Variants in SPATA6L observed in about 807,000 individuals in gnomAD.
The protein encoded by SPATA6L is spermatogenesis associated 6 like, also known as spermatogenesis associated 6-like protein.
In SPATA6L, 68 loss-of-function variants were observed where a neutral mutation model predicts 49.2. The observed-to-expected ratio is 1.38, with a 90% CI of 1.14 to 1.69. SPATA6L has a LOEUF of 1.69. Among genes scored for constraint, SPATA6L ranks in the 40% most tolerant of loss-of-function variants. The probability of loss-of-function intolerance (pLI) is 0.00; values close to 1 mark genes in which losing one functional copy is unlikely to be tolerated. For synonymous variants in SPATA6L, 198 were observed against 165.7 expected (o/e 1.19, Z -1.50); for missense variants, 668 against 464.3 (o/e 1.44, Z -4.03).
At chr9:4,612,847 G>T (rs1298968124) in intron 9 of SPATA6L, among the ~76,000 whole-genome samples, 1 of 152,116 alleles carries the variant, frequency 6.6e-6, no homozygotes, top group Non-Finnish European at 1.5e-5. Context: ...AAATCCTAAA[G>T]TCTGAGGTAT....
intron 5 of SPATA6L, chr9:4,626,640 T>C (rs1237560518): frequency 9.1e-7 from 1 of 1,103,412 alleles, no homozygotes; most frequent in Non-Finnish European, 1.2e-6. Flanking sequence ...AACCCCTGTT[T>C]AGCCATTTTT....
At chr9:4,620,268 T>TCCTGTGGCCTCATAAC (rs146245665) in intron 7 of SPATA6L, among the ~76,000 whole-genome samples, 2 of 151,890 alleles carry the variant, frequency 1.3e-5, no homozygotes, top group African/African-American at 4.8e-5. Context: ...ACCTCCTTCC[T>TCCTGTGGCCTCATAAC]CCTGTGGCCT....
intron 3 of SPATA6L, among the ~76,000 whole-genome samples, chr9:4,647,217 C>T (rs544389720): frequency 2.6e-5 from 4 of 152,218 alleles, no homozygotes; most frequent in Non-Finnish European, 4.4e-5. Flanking sequence ...TATTCAAAAT[C>T]CACTTGTTAT....
At chr9:4,651,700 T>A (rs962216084) in intron 3 of SPATA6L, among the ~76,000 whole-genome samples, 1 of 147,708 alleles carries the variant, frequency 6.8e-6, no homozygotes, top group African/African-American at 2.5e-5. Flanking sequence ...GATAAAAAAA[T>A]CACATGATCA....
At chr9:4,646,688 G>C (rs1416984943) in intron 3 of SPATA6L, among the ~76,000 whole-genome samples, 5 of 152,022 alleles carry the variant, frequency 3.3e-5, no homozygotes, top group South Asian at 2.1e-4. Context: ...GGTATTTCTA[G>C]AATTAACCAA....
intron 3 of SPATA6L, among the ~76,000 whole-genome samples, chr9:4,645,753 T>A (rs1283546216): frequency 6.6e-6 from 1 of 152,092 alleles, no homozygotes; most frequent in African/African-American, 2.4e-5. Flanking sequence ...AAAGGCCACA[T>A]ATTGTAGGCT....
intron 3 of SPATA6L, among the ~76,000 whole-genome samples, chr9:4,636,900 T>G (rs4740796): frequency 2.0e-5 from 3 of 152,084 alleles, no homozygotes; most frequent in Non-Finnish European, 2.9e-5. Flanking sequence ...ACTTCCACCA[T>G]GCATGCTCTC....
chr9:4,655,156 T>C (rs954241606), intron 3 of SPATA6L, among the ~76,000 whole-genome samples: 6 of 152,212 alleles, frequency 3.9e-5, no homozygotes, highest in Admixed American at 1.3e-4. Context: ...TGTCCATCAA[T>C]TGATGACTAG....
At chr9:4,658,970 G>T (rs1023094645) in intron 2 of SPATA6L, among the ~76,000 whole-genome samples, 1 of 144,912 alleles carries the variant, frequency 6.9e-6, no homozygotes, top group Non-Finnish European at 1.5e-5. Flanking sequence ...AAAAAAAAAG[G>T]CTTCTACAGA....
At chr9:4,616,073 A>G (rs747078027) in intron 9 of SPATA6L, among the ~76,000 whole-genome samples, 1 of 152,116 alleles carries the variant, frequency 6.6e-6, no homozygotes, top group Non-Finnish European at 1.5e-5. Context: ...GGAGTTTGAG[A>G]AGAGCCTGGG....
At chr9:4,658,967 A>G (rs1409026395) in intron 2 of SPATA6L, among the ~76,000 whole-genome samples, 2 of 150,914 alleles carry the variant, frequency 1.3e-5, no homozygotes, top group South Asian at 2.1e-4. Context: ...AAAAAAAAAA[A>G]AGGCTTCTAC....
At chr9:4,656,457 G>GAAGA (rs1838229003) in intron 2 of SPATA6L, among the ~76,000 whole-genome samples, 1 of 135,906 alleles carries the variant, frequency 7.4e-6, no homozygotes. Flanking sequence ...AGGAAGGAAG[G>GAAGA]AAGGAAGGAA....
intron 4 of SPATA6L, among the ~76,000 whole-genome samples, chr9:4,629,765 G>GTATATATATA (rs1451733833): frequency 1.5e-4 from 14 of 91,416 alleles, no homozygotes; most frequent in East Asian, 1.2e-3. Flanking sequence ...ATGTGTGTGT[G>GTATATATATA]TGTGTATATA....
intron 13 of SPATA6L, among the ~76,000 whole-genome samples, chr9:4,591,591 A>G (rs1454638732): frequency 6.6e-6 from 1 of 152,208 alleles, no homozygotes; most frequent in Non-Finnish European, 1.5e-5. Context: ...TTTACCTCTC[A>G]GGTACTTTGG....
chr9:4,650,261 T>C (rs1422129519), intron 3 of SPATA6L, among the ~76,000 whole-genome samples: 1 of 152,192 alleles, frequency 6.6e-6, no homozygotes, highest in Non-Finnish European at 1.5e-5. Flanking sequence ...GGTACTTGTG[T>C]CTGGTCCTTT....
At chr9:4,594,128 C>T (rs1308576658), downstream of SPATA6L, among the ~76,000 whole-genome samples, 1 of 152,240 alleles carries the variant, frequency 6.6e-6, no homozygotes, top group African/African-American at 2.4e-5. Flanking sequence ...TTTCCACCAT[C>T]TTTTTAAACT....
intron 7 of SPATA6L, among the ~76,000 whole-genome samples, chr9:4,619,315 C>A (rs748891067): frequency 6.6e-6 from 1 of 151,858 alleles, no homozygotes; most frequent in Non-Finnish European, 1.5e-5. Flanking sequence ...CGCCACCATG[C>A]CCGGCCAATT....
chr9:4,619,285 T>G (rs570871733), intron 7 of SPATA6L, among the ~76,000 whole-genome samples: 1 of 151,288 alleles, frequency 6.6e-6, no homozygotes, highest in East Asian at 2.0e-4. Context: ...GCCTCCCGAG[T>G]AGCTGGGATT....
At chr9:4,665,244 A>G (rs767345557) in intron 1 of SPATA6L, 2 of 165,592 alleles carry the variant, frequency 1.2e-5, no homozygotes, top group East Asian at 3.8e-4. Context: ...AATAAAATTA[A>G]CAAATAATGG....
Sources: allele counts gnomAD v4.1 joint callset (sites outside exome capture counted in the v4.1 genomes callset), GRCh38; gene constraint gnomAD v4.1.1; transcripts MANE v1.5; gene names NCBI Gene and HGNC (gene_info 2026-07-23, HGNC 2026-07-21).